The following TMEM181 variants were observed in gnomAD, a reference collection of about 807,000 sequenced individuals.
The protein encoded by TMEM181 is transmembrane protein 181.
A neutral mutation model predicts 71.9 loss-of-function variants in TMEM181; 39 were observed. That is an observed-to-expected ratio of 0.54 (90% CI 0.42 to 0.71). The LOEUF (loss-of-function observed/expected upper bound fraction) is 0.71. Among genes scored for constraint, TMEM181 ranks in the 30% least tolerant of loss-of-function variants. TMEM181 has a pLI of 0.00. For synonymous variants in TMEM181, 245 were observed against 228.8 expected, an observed-to-expected ratio of 1.07 and a Z score of -0.64; for missense variants, 595 against 583.0, an observed-to-expected ratio of 1.02 and a Z score of -0.21.
chr6:158,605,127 AAAAAGTGTGTG>A, intron 6 of TMEM181, 129 bp from the exon 7 acceptor site: 1 of 446,974 alleles, frequency 2.2e-6, no homozygotes, highest in Non-Finnish European at 3.6e-6. Flanking sequence ...AAAAAAAAAA[AAAAAGTGTGTG>A]TGTGTGTGTG....
At chr6:158,560,689 C>T (rs2128284910) in intron 1 of TMEM181, among the ~76,000 whole-genome samples, 1 of 152,316 alleles carries the variant, frequency 6.6e-6, no homozygotes, top group East Asian at 1.9e-4. Flanking sequence ...TCGCCCAGCG[C>T]CGGGTGCGAG....
chr6:158,573,123 C>T (rs1403483975), intron 1 of TMEM181, among the ~76,000 whole-genome samples: 1 of 152,146 alleles, frequency 6.6e-6, no homozygotes, highest in Admixed American at 6.5e-5. Flanking sequence ...GGCCTAGGAG[C>T]CCCCCTAGTG....
chr6:158,547,583 C>CG (rs1291766020), intron 1 of TMEM181, among the ~76,000 whole-genome samples: 1 of 152,198 alleles, frequency 6.6e-6, no homozygotes, highest in East Asian at 1.9e-4. Flanking sequence ...GGGTCTCCCC[C>CG]CTCAGCTGGG....
chr6:158,549,078 A>AG (rs1781635060), intron 1 of TMEM181, among the ~76,000 whole-genome samples: 1 of 151,690 alleles, frequency 6.6e-6, no homozygotes, highest in Admixed American at 6.6e-5. Context: ...ATGGTGGCAA[A>AG]GGGGACAAAA....
chr6:158,552,167 C>T (rs1423834920), intron 1 of TMEM181, among the ~76,000 whole-genome samples: 6 of 152,136 alleles, frequency 3.9e-5, no homozygotes, highest in African/African-American at 9.7e-5. Flanking sequence ...AATCAAAAAT[C>T]GAATTGAGAT....
chr6:158,563,155 G>C (rs1460444822), intron 1 of TMEM181, among the ~76,000 whole-genome samples: 1 of 152,188 alleles, frequency 6.6e-6, no homozygotes, highest in East Asian at 1.9e-4. Flanking sequence ...TTGTTTGTTT[G>C]TATTTTGAGA....
chr6:158,566,501 G>C (rs1782504924), intron 1 of TMEM181, among the ~76,000 whole-genome samples: 1 of 138,134 alleles, frequency 7.2e-6, no homozygotes. Context: ...GGAGGTGATG[G>C]GGTGAAGGAG....
rs1227468090 is a variant in TMEM181 at position 158,607,356 on chromosome 6, A to G, written c.673+13A>G. The G allele has an allele frequency of 6.2e-7, 1 of 1,610,446 alleles. No individual in the cohort carries two copies. ...CTACTTTACAATGGTGGGTAGTTCC[A>G]TTTTTACTTAGGAACTTTTCCCTTT... is the stretch of plus-strand genomic sequence containing the variant. On this transcript the variant is annotated intron_variant, in intron 8 of 16. Transcript: ENST00000684151.
chr6:158,572,019 C>T (rs2128293168), intron 1 of TMEM181, among the ~76,000 whole-genome samples: 1 of 152,334 alleles, frequency 6.6e-6, no homozygotes, highest in East Asian at 1.9e-4. Context: ...AGTCCCGGGG[C>T]AGCTGTGGAG....
intron 6 of TMEM181, among the ~76,000 whole-genome samples, chr6:158,597,604 G>A (rs1784450260): frequency 6.6e-6 from 1 of 152,104 alleles, no homozygotes; most frequent in Admixed American, 6.5e-5. Flanking sequence ...AGCCTCAAGC[G>A]ATCCTTCCAC....
chr6:158,569,090 C>G (rs993554643), intron 1 of TMEM181, among the ~76,000 whole-genome samples: 1 of 152,228 alleles, frequency 6.6e-6, no homozygotes, highest in African/African-American at 2.4e-5. Context: ...ATCCTCCCCC[C>G]TCAGCCTCCA....
chr6:158,567,471 C>T (rs1782576825), intron 1 of TMEM181, among the ~76,000 whole-genome samples: 1 of 152,220 alleles, frequency 6.6e-6, no homozygotes, highest in Non-Finnish European at 1.5e-5. Flanking sequence ...GTGCAGACTG[C>T]ATCTGTTGTA....
chr6:158,573,854 A>G (rs1176838731), intron 2 of TMEM181, among the ~76,000 whole-genome samples: 1 of 151,826 alleles, frequency 6.6e-6, no homozygotes, highest in African/African-American at 2.4e-5. Context: ...TGTCCAGAAC[A>G]TGCTGCCTGG....
intron 1 of TMEM181, among the ~76,000 whole-genome samples, chr6:158,539,664 A>T (rs781424553): frequency 6.6e-6 from 1 of 152,248 alleles, no homozygotes; most frequent in African/African-American, 2.4e-5. Context: ...TATTTGCTAC[A>T]TAATTTGGCA....
chr6:158,585,848 A>G (rs1783738757), intron 5 of TMEM181, among the ~76,000 whole-genome samples: 1 of 152,158 alleles, frequency 6.6e-6, no homozygotes, highest in Non-Finnish European at 1.5e-5. Context: ...GTTTAGAGAC[A>G]GGTTTTTGCT....
In TMEM181 at chr6:158,544,182, A is replaced by AGAGAGTGTGTGTGTGTGTGT. The variant is rs149735409; in HGVS notation, c.131+7318_131+7319insAGAGTGTGTGTGTGTGTGTG. Among the ~76,000 whole-genome samples, 630 of 127,620 alleles carry AGAGAGTGTGTGTGTGTGTGT rather than the reference A, an allele frequency of 4.9e-3. 8 individuals carry two copies. The highest frequency in any genetic ancestry group is 0.018 in the African/African-American group (602 of 32,916). The allele number at this position is 127,620 out of a possible 152,430, so 83.7% of individuals were successfully genotyped here. A position where few individuals can be genotyped will look rare whatever the true frequency, so the allele number is the denominator to read the frequency against. ...GGTTTCTCAGGTGCAAATTGGAGAG[A>AGAGAGTGTGTGTGTGTGTGT]GTGTGTGTGTGTGTGTGTGTGTGTG... On this transcript the variant is annotated intron_variant, in intron 1 of 16. Coordinates refer to the TMEM181 transcript ENST00000367090.
intron 1 of TMEM181, among the ~76,000 whole-genome samples, chr6:158,539,470 C>T (rs1202415712): frequency 2.6e-5 from 4 of 152,182 alleles, no homozygotes; most frequent in East Asian, 1.9e-4. Flanking sequence ...CTCTTCTCAC[C>T]GTCTTCATTT....
chr6:158,598,010 C>T (rs1428990486), intron 6 of TMEM181, among the ~76,000 whole-genome samples: 4 of 152,206 alleles, frequency 2.6e-5, no homozygotes, highest in East Asian at 3.8e-4. Context: ...CTTTGGAATA[C>T]GTCGTGCCCA....
chr6:158,536,775 G>A, exon 1 of TMEM181: 1 of 1,574,216 alleles, frequency 6.4e-7, no homozygotes, highest in Non-Finnish European at 8.6e-7. Flanking sequence ...CCGCTCTGCA[G>A]CGAGCTCAAG....
Sources: gnomAD v4.1 joint callset for allele counts (sites outside exome capture counted in the v4.1 genomes callset) on GRCh38, gnomAD v4.1.1 for gene constraint, MANE v1.5 for transcripts, NCBI Gene and HGNC (gene_info 2026-07-23, HGNC 2026-07-21) for gene names.